The following YWHAZ variants were observed in gnomAD, a reference collection of about 807,000 sequenced individuals.
YWHAZ encodes 14-3-3 protein zeta/delta.
For missense variants in YWHAZ, 79 were observed against 284.8 expected, an observed-to-expected ratio of 0.28 and a Z score of 5.20; for synonymous variants, 87 against 103.6, an observed-to-expected ratio of 0.84 and a Z score of 0.97.
intron 2 of YWHAZ, among the ~76,000 whole-genome samples, chr8:100,930,223 C>T (rs1377876720): frequency 2.6e-5 from 4 of 152,288 alleles, no homozygotes; most frequent in East Asian, 1.9e-4. Flanking sequence ...CTCAGTCTCC[C>T]GAGTAGCCGG....
chr8:100,947,503 A>T (rs1394597732), intron 2 of YWHAZ, among the ~76,000 whole-genome samples: 2 of 152,216 alleles, frequency 1.3e-5, no homozygotes, highest in Non-Finnish European at 2.9e-5. Context: ...ATTCTTTAAA[A>T]AGACAGTGTC....
chr8:100,939,221 C>T (rs577336724), intron 2 of YWHAZ, among the ~76,000 whole-genome samples: 102 of 152,082 alleles, frequency 6.7e-4, no homozygotes, highest in African/African-American at 2.4e-3. Context: ...CTGTTCTGTT[C>T]TAAAACTTTT....
At chr8:100,950,548 C>T (rs1383909388) in intron 1 of YWHAZ, 1 of 985,472 alleles carries the variant, frequency 1.0e-6, no homozygotes, top group African/African-American at 1.7e-5. Flanking sequence ...CGACTCTCCT[C>T]CTTTGTCATG....
chr8:100,940,299 C>T (rs946757731), intron 2 of YWHAZ, among the ~76,000 whole-genome samples: 23 of 152,108 alleles, frequency 1.5e-4, no homozygotes, highest in African/African-American at 5.6e-4. Flanking sequence ...AGTTAAAACG[C>T]CTCATTTTTC....
At chr8:100,951,836 G>A in intron 1 of YWHAZ, 93 bp downstream of exon 1, 1 of 985,992 alleles carries the variant, frequency 1.0e-6, no homozygotes, top group Non-Finnish European at 1.2e-6. Context: ...CGGGGCGAGT[G>A]GGGATGAGGG....
rs757734788 is a variant in YWHAZ, at chr8:100,943,705, G to A, written c.294+4891C>T. On this transcript the variant is annotated intron_variant, in intron 2 of 5. Coordinates refer to ENST00000395958, the MANE Select transcript of YWHAZ (RefSeq NM_145690.3). ...ACTTTATTACCAAAGACACTGTCCA[G>A]GCCGGGCGCGGTGGCTCACGCCTGT... Among the ~76,000 whole-genome samples, 7 of 152,196 alleles carry A rather than the reference G, an allele frequency of 4.6e-5. 1 individual carries two copies. The South Asian group carries it at 1.5e-3, about 32-fold the overall frequency.
Position 100,923,926 on chromosome 8 carries a change from C to A in YWHAZ, c.678+29G>T, listed in dbSNP as rs185083221. ...AAAACATAACCTCTTCAACCACATT[C>A]ATCACTAATGATGCTGTTATGTACT... On this transcript the variant is annotated intron_variant, in intron 5 of 5. Transcript: ENST00000395958. The A allele has an allele frequency of 3.4e-4, 526 of 1,557,508 alleles. 8 individuals are homozygous for A. In the East Asian group the frequency reaches 0.012, roughly 34 times the overall value.
At chr8:100,926,186 C>T (rs1813347426) in intron 2 of YWHAZ, among the ~76,000 whole-genome samples, 1 of 145,986 alleles carries the variant, frequency 6.8e-6, no homozygotes, top group Admixed American at 7.2e-5. Flanking sequence ...TTTAACCCAA[C>T]TTCTTCCCCC....
chr8:100,940,062 C>CA (rs33984830), intron 2 of YWHAZ, among the ~76,000 whole-genome samples: 10,750 of 98,934 alleles, frequency 0.11, 1,198 homozygotes, highest in African/African-American at 0.23. Context: ...GACTCCGTCT[C>CA]AAAAAAAAAA....
rs1252633414 is a variant in YWHAZ at position 100,952,013 on chromosome 8, A to T, written c.-96T>A. The stretch of plus-strand genomic sequence containing the variant: ...CGGCGGCAGCAGCGGCGAGGCTGAG[A>T]CTCTGTCCCTGGATCTCGCTGCTCA... On this transcript the variant is annotated 5_prime_UTR_variant, in exon 1 of 6. Transcript: ENST00000395958. The T allele has an allele frequency of 1.5e-5, 15 of 999,568 alleles. No homozygotes were observed. Among genetic ancestry groups the T allele is most frequent in the African/African-American group, 1.7e-5 (1 of 57,244 alleles). 61.9% of individuals were successfully genotyped at this position (999,568 alleles called of 1,614,324 possible). A position where few individuals can be genotyped will look rare whatever the true frequency, so the allele number is the denominator to read the frequency against.
intron 2 of YWHAZ, among the ~76,000 whole-genome samples, chr8:100,931,210 A>G (rs1365267158): frequency 1.3e-5 from 2 of 152,248 alleles, no homozygotes; most frequent in Non-Finnish European, 2.9e-5. Context: ...CTATATTTAC[A>G]ATGATGTTTT....
chr8:100,948,180 G>A lies in YWHAZ; in HGVS notation c.294+416C>T, dbSNP rs1810448279. ...ATTATAGCGGCTAATCCTGAGAAGA[G>A]TACTATTTCTACAATGAGTATCCTA... On this transcript the variant is annotated intron_variant, in intron 2 of 5. Transcript: ENST00000395958. This position sits in a 1 kb window ranked among gnomAD's most constrained non-coding sequence, Gnocchi z 4.2. 6.6e-7 allele frequency: 1 copy of A among 1,505,236 alleles called. No homozygotes were observed. The highest frequency in any genetic ancestry group is 8.9e-7 in the Non-Finnish European group (1 of 1,128,550). The allele number at this position is 1,505,236 out of a possible 1,614,324, so 93.2% of individuals were successfully genotyped here.
intron 1 of YWHAZ, chr8:100,950,665 G>A: frequency 3.4e-6 from 3 of 888,042 alleles, no homozygotes; most frequent in Non-Finnish European, 4.0e-6. Context: ...CGTGGGGGGG[G>A]GGGAGAGATG....
intron 1 of YWHAZ, chr8:100,950,564 T>G (rs1810649550): frequency 1.0e-6 from 1 of 985,356 alleles, no homozygotes; most frequent in Admixed American, 6.1e-5. Flanking sequence ...TCATGGCGGA[T>G]CTGTGTCAGG....
At chr8:100,940,004 C>T (rs1457906125) in intron 2 of YWHAZ, among the ~76,000 whole-genome samples, 1 of 140,326 alleles carries the variant, frequency 7.1e-6, no homozygotes, top group Non-Finnish European at 1.5e-5. Context: ...GCCTGGGGGA[C>T]AGAGCGAGAC....
chr8:100,950,497 C>T (rs940038379), intron 1 of YWHAZ: 2 of 985,492 alleles, frequency 2.0e-6, no homozygotes, highest in Non-Finnish European at 2.4e-6. Context: ...CAACCACCCC[C>T]CTCCAGGCTC....
rs373861592 is a variant in YWHAZ at position 100,926,791 on chromosome 8, T to C, written c.295-1752A>G. 2.8e-4 allele frequency among the ~76,000 whole-genome samples: 43 copies of C among 152,334 alleles called. No individual in the cohort carries two copies. In the East Asian group the frequency reaches 4.6e-3, roughly 16 times the overall value. ...CTTTTTACCACCTATGGTTGCTCTG[T>C]GGAGATCTGCCTCAAACAGTGGAAG... is the stretch of plus-strand genomic sequence containing the variant. On this transcript the variant is annotated intron_variant, in intron 2 of 5. Transcript: ENST00000395958.
chr8:100,950,595 T>C (rs1285218673), intron 1 of YWHAZ: 2 of 983,000 alleles, frequency 2.0e-6, no homozygotes, highest in Admixed American at 6.2e-5. Context: ...TACTGCAGAG[T>C]GTTAATTCCT....
At chr8:100,930,864 C>T (rs916881361) in intron 2 of YWHAZ, among the ~76,000 whole-genome samples, 3 of 152,142 alleles carry the variant, frequency 2.0e-5, no homozygotes, top group East Asian at 3.9e-4. Flanking sequence ...TGCATTTATA[C>T]AGCATTCACC....
Sources: allele counts gnomAD v4.1 joint callset (sites outside exome capture counted in the v4.1 genomes callset), GRCh38; gene constraint gnomAD v4.1.1; non-coding constraint Gnocchi (gnomAD v3.1); transcripts MANE v1.5; gene names NCBI Gene and HGNC (gene_info 2026-07-23, HGNC 2026-07-21).